ATP6V1C2: variants seen among roughly 807,000 people sequenced by gnomAD.
ATP6V1C2 encodes the protein ATPase H+ transporting V1 subunit C2, also known as V-type proton ATPase subunit C 2.
ATP6V1C2 carries 45 observed loss-of-function variants against 56.8 expected under a neutral mutation model. The ratio of observed to expected loss-of-function variants is 0.79; its 90% CI spans 0.62 to 1.02. The LOEUF is 1.02. ATP6V1C2 is among the 50% of genes least tolerant of loss of function. The pLI, the probability that ATP6V1C2 is intolerant of heterozygous loss-of-function variation, is 0.00. For synonymous variants in ATP6V1C2, 220 were observed against 201.3 expected, an observed-to-expected ratio of 1.09 and a Z score of -0.79; for missense variants, 463 against 519.7, an observed-to-expected ratio of 0.89 and a Z score of 1.06.
intron 1 of ATP6V1C2, 175 bp from the exon 2 acceptor site, chr2:10,722,649 C>A (rs1661431140): frequency 3.2e-6 from 2 of 623,300 alleles, no homozygotes; most frequent in Admixed American, 6.5e-5. Context: ...TTTGGAGTTT[C>A]GGGAACACCT....
chr2:10,770,584 A>G (rs1276856822), intron 6 of ATP6V1C2, among the ~76,000 whole-genome samples: 1 of 152,238 alleles, frequency 6.6e-6, no homozygotes, highest in African/African-American at 2.4e-5. Flanking sequence ...ATCCACTCGC[A>G]TGGCATCACC....
intron 3 of ATP6V1C2, among the ~76,000 whole-genome samples, chr2:10,751,812 C>A (rs1663232223): frequency 1.3e-5 from 2 of 152,104 alleles, no homozygotes; most frequent in Admixed American, 6.6e-5. Flanking sequence ...CAAAAGAAGA[C>A]CTTAACTCTG....
At chr2:10,774,922 G>T (rs1479988145) in intron 9 of ATP6V1C2, 42 bp downstream of exon 9, 3 of 1,610,972 alleles carry the variant, frequency 1.9e-6, no homozygotes, top group East Asian at 2.2e-5. Context: ...GCTGCGGGGG[G>T]TCTCTGCCCC....
At chr2:10,758,944 A>C (rs991046691) in intron 4 of ATP6V1C2, among the ~76,000 whole-genome samples, 2 of 152,128 alleles carry the variant, frequency 1.3e-5, no homozygotes, top group African/African-American at 4.8e-5. Flanking sequence ...TGGGATTACA[A>C]GTGTGAGCCA....
intron 3 of ATP6V1C2, among the ~76,000 whole-genome samples, chr2:10,748,881 G>A (rs949795515): frequency 1.3e-5 from 2 of 152,004 alleles, no homozygotes; most frequent in African/African-American, 4.8e-5. Flanking sequence ...TGTAATCCCA[G>A]CACTTTGGGC....
chr2:10,754,070 G>C lies in ATP6V1C2; in HGVS notation c.283+4G>C. 1 of 1,594,738 alleles carries C rather than the reference G, an allele frequency of 6.3e-7. No individual in the cohort carries two copies. Among genetic ancestry groups the C allele is most frequent in the Non-Finnish European group, 8.6e-7 (1 of 1,168,868 alleles). On this transcript the variant is annotated splice_donor_region_variant and intron_variant, in intron 4 of 13. Transcript: ENST00000272238. ...GAGCACCTCCTGGCAAACGGAGGTAGGTAGGGCGGCCCTCTGATGTGGAGC... is the reference window on the plus strand; with the variant it reads ...GAGCACCTCCTGGCAAACGGAGGTACGTAGGGCGGCCCTCTGATGTGGAGC...
At chr2:10,724,312 C>T (rs1558381666) in intron 2 of ATP6V1C2, among the ~76,000 whole-genome samples, 1 of 152,160 alleles carries the variant, frequency 6.6e-6, no homozygotes, top group Non-Finnish European at 1.5e-5. Flanking sequence ...CATTTGCTAA[C>T]GTTTGTTGAG....
chr2:10,782,571 G>A (rs192252186), intron 13 of ATP6V1C2, among the ~76,000 whole-genome samples, 196 bp downstream of exon 13: 17 of 152,164 alleles, frequency 1.1e-4, no homozygotes, highest in Admixed American at 8.5e-4. Flanking sequence ...AGTGGCTCAC[G>A]CCTGTAATCC....
At position 10,744,004 on chromosome 2, in the gene ATP6V1C2, TAATA is replaced by T. The variant is rs1553326678; in HGVS notation, c.198-9954_198-9951del. On this transcript the variant is annotated intron_variant, in intron 3 of 13. Coordinates refer to ENST00000272238, the MANE Select transcript of ATP6V1C2 (RefSeq NM_001039362.2). ...CTCAAAAAAAAAAAAAAAATAATAA[TAATA>T]AATAAATAAATAAATAAATAAAATT... Among the ~76,000 whole-genome samples the T allele has an allele frequency of 2.9e-4, 42 of 144,208 alleles. 1 individual carries two copies. The highest frequency in any genetic ancestry group is 1.8e-3 in the East Asian group (9 of 5,080). The allele number at this position is 144,208 out of a possible 152,430, so 94.6% of individuals were successfully genotyped here. A position where few individuals can be genotyped will look rare whatever the true frequency, so the allele number is the denominator to read the frequency against.
intron 3 of ATP6V1C2, among the ~76,000 whole-genome samples, chr2:10,731,244 T>C (rs931107029): frequency 6.6e-6 from 1 of 152,236 alleles, no homozygotes; most frequent in Non-Finnish European, 1.5e-5. Context: ...TCACCACACC[T>C]AGCCACCATT....
intron 5 of ATP6V1C2, among the ~76,000 whole-genome samples, chr2:10,765,012 C>T (rs531756490): frequency 6.6e-6 from 1 of 152,162 alleles, no homozygotes; most frequent in East Asian, 1.9e-4. Context: ...GAAGGCAGCT[C>T]CCTCATCATC....
Position 10,768,699 on chromosome 2 carries a change from CT to C in ATP6V1C2, c.379-16del, listed in dbSNP as rs759789285. On this transcript the variant is annotated intron_variant, in intron 5 of 13. Transcript: ENST00000272238. The stretch of plus-strand genomic sequence containing the variant: ...CTTCAATGCTCAGGGTCACCTGGAG[CT>C]TTTGCTTTCCCAAAACAGCAACTGG... The C allele has an allele frequency of 6.2e-7, 1 of 1,611,156 alleles. No homozygotes were observed.
intron 3 of ATP6V1C2, among the ~76,000 whole-genome samples, chr2:10,750,906 T>A (rs1483354060): frequency 6.6e-6 from 1 of 152,054 alleles, no homozygotes; most frequent in Non-Finnish European, 1.5e-5. Context: ...GCATAGTAGT[T>A]GTTAGTGCTT....
Position 10,778,597 on chromosome 2 carries a change from T to C in ATP6V1C2, c.989T>C (p.Val330Ala), listed in dbSNP as rs773692869. The stretch of plus-strand genomic sequence containing the variant: ...GGCCCCCTGCTGCGCTGGCTCAAGG[T>C]GAACTTCAGTGAAGCCTTCATTGCC... ...GEGPLLRWLK[V>A]NFSEAFIAWI... The change falls in exon 12 of 14, where the codon GTG becomes GCG. Residue 330 changes from valine (V) to alanine (A), a missense_variant. Val to Ala is a moderately conservative substitution (Grantham distance 64). Transcript: ENST00000272238. The C allele has an allele frequency of 6.2e-7, 1 of 1,614,208 alleles. No individual in the cohort carries two copies. The highest frequency in any genetic ancestry group is 8.5e-7 in the Non-Finnish European group (1 of 1,180,020).
Position 10,780,205 on chromosome 2 carries a change from C to T in ATP6V1C2, c.1061+1536C>T, listed in dbSNP as rs1665263528. Among the ~76,000 whole-genome samples, 1 of 152,228 alleles carries T rather than the reference C, an allele frequency of 6.6e-6. No homozygotes were observed. The highest frequency in any genetic ancestry group is 2.4e-5 in the African/African-American group (1 of 41,464). ...CTCATCTCCCCTCCCGCACCCCTTC[C>T]TCTGCTTCCCTGTTTCTGCCAGTGG... On this transcript the variant is annotated intron_variant, in intron 12 of 13. Transcript: ENST00000272238. The surrounding 1 kb of genome is among the most constrained non-coding windows in gnomAD (Gnocchi z 4.1).
chr2:10,754,006 G>C lies in ATP6V1C2; in HGVS notation c.223G>C (p.Val75Leu), dbSNP rs139030826. The C allele has an allele frequency of 6.2e-7, 1 of 1,607,772 alleles. No homozygotes were observed. The highest frequency in any genetic ancestry group is 8.5e-7 in the Non-Finnish European group (1 of 1,176,596). ...CCTCATAAGGAGAATGGCTCAGAGC[G>C]TGGTGGAAGTCATGGAGGACTCAAA... ...ESLIRRMAQS[V>L]VEVMEDSKGK... Residue 75 changes from valine (V) to leucine (L), a missense_variant, in exon 4 of 14, where the codon GTG becomes CTG. By Grantham distance (32) the Val-to-Leu change is conservative (BLOSUM62 1). Transcript: ENST00000272238.
Position 10,780,157 on chromosome 2 carries a change from G to A in ATP6V1C2, c.1061+1488G>A, listed in dbSNP as rs79439345. On this transcript the variant is annotated intron_variant, in intron 12 of 13. Transcript: ENST00000272238. This position sits in a 1 kb window ranked among gnomAD's most constrained non-coding sequence, Gnocchi z 4.1. ...TTCCAGGTCCTGCCATCTGCCTGCC[G>A]TAGGCTTTACCTGGGTATCTGTCTC... 0.084 allele frequency among the ~76,000 whole-genome samples: 12,714 copies of A among 152,072 alleles called. 658 individuals carry two copies. Among genetic ancestry groups the A allele is most frequent in the South Asian group, 0.15 (722 of 4,824 alleles).
At chr2:10,749,350 A>C (rs548459646) in intron 3 of ATP6V1C2, among the ~76,000 whole-genome samples, 289 of 152,208 alleles carry the variant, frequency 1.9e-3, no homozygotes, top group Non-Finnish European at 3.5e-3. Flanking sequence ...AGTTTTTTTT[A>C]AATGAACAAG....
intron 4 of ATP6V1C2, among the ~76,000 whole-genome samples, chr2:10,756,135 TCAC>T: frequency 6.6e-6 from 1 of 152,186 alleles, no homozygotes. Flanking sequence ...GGCAGGCAGA[TCAC>T]CTGAGGTCAG....
Sources: allele counts gnomAD v4.1 joint callset (sites outside exome capture counted in the v4.1 genomes callset), GRCh38; gene constraint gnomAD v4.1.1; non-coding constraint Gnocchi (gnomAD v3.1); transcripts MANE v1.5; gene names NCBI Gene and HGNC (gene_info 2026-07-23, HGNC 2026-07-21).